The following HEG1 variants were observed in gnomAD, a reference collection of about 807,000 sequenced individuals.
HEG1 encodes the protein protein HEG homolog 1.
Under a neutral mutation model 125.6 loss-of-function variants are expected in HEG1, and 56 were observed. The observed-to-expected ratio is 0.45, with a 90% CI of 0.36 to 0.56. The LOEUF is 0.56. HEG1 is among the 20% of genes least tolerant of loss of function. The pLI is 0.00. For synonymous variants in HEG1, 644 were observed against 668.5 expected, an observed-to-expected ratio of 0.96 and a Z score of 0.57; for missense variants, 1,523 against 1,670.0, an observed-to-expected ratio of 0.91 and a Z score of 1.53.
rs904880090 is a variant in HEG1, at chr3:125,019,437, T to G, written c.1413A>C (p.Gly471=). ...CACCTTCAGGATATGAAGCAGAGCT[T>G]CCTGTCACATCTGCAGATGTTGTGC... ...TNSTTSADVT[G]SSASYPEGVN... The change falls in exon 5 of 17, where the codon GGA becomes GGC. Residue 471 remains glycine, a synonymous_variant. Coordinates refer to ENST00000311127, the MANE Select transcript of HEG1 (RefSeq NM_020733.2). 7 of 1,613,872 alleles carry G rather than the reference T, an allele frequency of 4.3e-6. No individual in the cohort carries two copies. The highest frequency in any genetic ancestry group is 5.9e-6 in the Non-Finnish European group (7 of 1,179,908).
chr3:125,004,730 T>A (rs769958282), intron 9 of HEG1, among the ~76,000 whole-genome samples: 4 of 150,902 alleles, frequency 2.7e-5, no homozygotes, highest in Non-Finnish European at 5.9e-5. Context: ...AAAAAAAAAA[T>A]TCTGATAAAA....
intron 2 of HEG1, among the ~76,000 whole-genome samples, chr3:125,027,999 T>C (rs969347881): frequency 2.6e-5 from 4 of 152,160 alleles, no homozygotes; most frequent in Non-Finnish European, 5.9e-5. Context: ...CTCCTGCCAC[T>C]AGGACCTGAA....
chr3:124,971,383 AT>A (rs1031760238), intron 16 of HEG1, among the ~76,000 whole-genome samples: 6 of 151,582 alleles, frequency 4.0e-5, no homozygotes, highest in African/African-American at 7.3e-5. Context: ...TCAGCCAGCT[AT>A]TTTTTTCCTT....
At chr3:124,981,524 C>A (rs763893164) in intron 14 of HEG1, among the ~76,000 whole-genome samples, 2 of 152,220 alleles carry the variant, frequency 1.3e-5, no homozygotes, top group African/African-American at 2.4e-5. Context: ...TGTTAAAACC[C>A]AGATTCCTGG....
At chr3:124,987,924 T>TACACACACACACACACACAC (rs67009322) in intron 14 of HEG1, among the ~76,000 whole-genome samples, 1,682 of 67,016 alleles carry the variant, frequency 0.025, 141 homozygotes, top group Admixed American at 0.03. Flanking sequence ...TATATATGTG[T>TACACACACACACACACACAC]ACACACACAC....
rs774874255 is a variant in HEG1 at position 125,013,622 on chromosome 3, C to T, written c.1957G>A (p.Ala653Thr). The T allele has an allele frequency of 1.9e-5, 29 of 1,548,820 alleles. No homozygotes were observed. The highest frequency in any genetic ancestry group is 2.3e-5 in the Non-Finnish European group (27 of 1,153,842). Reference protein sequence around the residue: ...PNTSVVLDTDAEFVSDSSSSS... With the variant: ...PNTSVVLDTDTEFVSDSSSSS... ...GAGGAGGAGTCACTAACAAACTCAG[C>T]ATCAGTGTCCAGAACAACCGAAGTG... The change falls in exon 6 of 17, where the codon GCT becomes ACT. Residue 653 changes from alanine (A) to threonine (T), a missense_variant. Coordinates refer to ENST00000311127, the MANE Select transcript of HEG1 (RefSeq NM_020733.2).
chr3:124,972,768 G>T (rs1445586170), intron 16 of HEG1, among the ~76,000 whole-genome samples: 3 of 152,124 alleles, frequency 2.0e-5, no homozygotes, highest in Admixed American at 2.0e-4. Flanking sequence ...AAATGAGCTG[G>T]GCAGTTTACA....
chr3:125,003,898 C>T (rs145213553), intron 9 of HEG1, among the ~76,000 whole-genome samples: 5 of 152,296 alleles, frequency 3.3e-5, no homozygotes, highest in African/African-American at 9.6e-5. Flanking sequence ...TGTAATAAAC[C>T]GTAGCTGTTA....
At chr3:124,990,361 C>T (rs551859003) in intron 14 of HEG1, among the ~76,000 whole-genome samples, 27 of 147,552 alleles carry the variant, frequency 1.8e-4, no homozygotes, top group African/African-American at 4.5e-4. Flanking sequence ...TTTTTTAAAA[C>T]GAAGTGTCGC....
At chr3:124,997,941 G>A in intron 11 of HEG1, 118 bp from the exon 12 acceptor site, 1 of 1,230,328 alleles carries the variant, frequency 8.1e-7, no homozygotes, top group Non-Finnish European at 1.1e-6. Context: ...AAGAGGCTGA[G>A]AACAGTTTTC....
intron 10 of HEG1, 118 bp downstream of exon 10, chr3:125,002,139 G>A (rs1184091323): frequency 1.4e-6 from 2 of 1,475,188 alleles, no homozygotes; most frequent in Non-Finnish European, 1.9e-6. Context: ...AGTGACCTTG[G>A]CCCTGGATTG....
At chr3:124,977,673 C>A (rs934080917) in intron 15 of HEG1, among the ~76,000 whole-genome samples, 186 bp downstream of exon 15, 1 of 152,204 alleles carries the variant, frequency 6.6e-6, no homozygotes, top group African/African-American at 2.4e-5. Context: ...TCCATTTACT[C>A]CCCTTCTTTT....
At chr3:124,976,452 T>C (rs1314117197) in intron 15 of HEG1, among the ~76,000 whole-genome samples, 1 of 151,962 alleles carries the variant, frequency 6.6e-6, no homozygotes, top group Non-Finnish European at 1.5e-5. Context: ...ACTCCCAAAG[T>C]GCTGGAATTA....
At chr3:125,042,255 C>G (rs755287931) in intron 1 of HEG1, among the ~76,000 whole-genome samples, 5 of 152,102 alleles carry the variant, frequency 3.3e-5, no homozygotes, top group Non-Finnish European at 5.9e-5. Context: ...TGGCAAAACC[C>G]TGTCTGTATT....
intron 1 of HEG1, among the ~76,000 whole-genome samples, chr3:125,054,701 A>AT (rs1937890958): frequency 6.6e-6 from 1 of 152,166 alleles, no homozygotes. Context: ...AGCACTTTCC[A>AT]TTTATTTTTA....
intron 9 of HEG1, among the ~76,000 whole-genome samples, chr3:125,002,725 T>C (rs1937018344): frequency 6.6e-6 from 1 of 152,216 alleles, no homozygotes; most frequent in African/African-American, 2.4e-5. Context: ...AGGCCCTACA[T>C]AGACGCCTCA....
At chr3:125,002,688 G>T (rs111303068) in intron 9 of HEG1, among the ~76,000 whole-genome samples, 15 of 152,320 alleles carry the variant, frequency 9.8e-5, no homozygotes, top group African/African-American at 2.6e-4. Context: ...CACTGGAAAG[G>T]CTCCTTTCAG....
intron 11 of HEG1, among the ~76,000 whole-genome samples, chr3:125,000,211 G>T (rs949258468): frequency 1.3e-5 from 2 of 152,212 alleles, no homozygotes; most frequent in Non-Finnish European, 2.9e-5. Flanking sequence ...AAGGCAGCAA[G>T]GGTGAGAGGT....
chr3:124,970,525 G>A lies in HEG1; in HGVS notation c.*127C>T, dbSNP rs1200694240. The A allele has an allele frequency of 1.3e-6, 1 of 766,888 alleles. No homozygotes were observed. The highest frequency in any genetic ancestry group is 2.7e-5 in the East Asian group (1 of 37,134). 47.5% of individuals were successfully genotyped at this position (766,888 alleles called of 1,614,324 possible). On this transcript the variant is annotated 3_prime_UTR_variant, in exon 17 of 17. Coordinates refer to ENST00000311127, the MANE Select transcript of HEG1 (RefSeq NM_020733.2). ...CACTGTGGTCACGCCCCGCATGCCT[G>A]TCCCTCTTCCTGCTTGCCACTCAGC...
Sources: allele counts gnomAD v4.1 joint callset (sites outside exome capture counted in the v4.1 genomes callset), GRCh38; gene constraint gnomAD v4.1.1; transcripts MANE v1.5; gene names NCBI Gene and HGNC (gene_info 2026-07-23, HGNC 2026-07-21).